The following CDK13 variants were observed in gnomAD, a reference collection of about 807,000 sequenced individuals.
CDK13 encodes cyclin dependent kinase 13.
Under a neutral mutation model 137.6 loss-of-function variants are expected in CDK13, and 40 were observed. The ratio of observed to expected loss-of-function variants is 0.29; its 90% CI spans 0.23 to 0.38. CDK13 has a LOEUF of 0.38. CDK13 is among the 10% of genes least tolerant of loss of function. The probability of loss-of-function intolerance (pLI) is 1.00; values close to 1 mark genes in which losing one functional copy is unlikely to be tolerated. For missense variants in CDK13, 1,704 were observed against 1,951.8 expected (o/e 0.87, Z 2.39); for synonymous variants, 869 against 760.1 (o/e 1.14, Z -2.36).
chr7:40,059,478 C>T (rs964514797), intron 7 of CDK13, among the ~76,000 whole-genome samples: 3 of 152,204 alleles, frequency 2.0e-5, no homozygotes, highest in African/African-American at 7.2e-5. Context: ...TCTGCCTCAG[C>T]CTCCCAATTA....
At chr7:40,091,201 C>T (rs1286616224) in intron 12 of CDK13, among the ~76,000 whole-genome samples, 6 of 151,866 alleles carry the variant, frequency 4.0e-5, no homozygotes, top group East Asian at 1.9e-4. Flanking sequence ...AAAAATTAGC[C>T]GGGCGTGGTG....
chr7:40,052,612 A>G (rs1391710536), intron 7 of CDK13, among the ~76,000 whole-genome samples: 1 of 152,216 alleles, frequency 6.6e-6, no homozygotes, highest in East Asian at 1.9e-4. Flanking sequence ...GCCTTAGAGC[A>G]TTAGCTCACT....
chr7:39,972,847 CT>C (rs1784029236), intron 1 of CDK13, among the ~76,000 whole-genome samples: 1 of 151,942 alleles, frequency 6.6e-6, no homozygotes, highest in Admixed American at 6.6e-5. Context: ...TATGATAATT[CT>C]ATGTTTAAGA....
chr7:39,979,817 G>A (rs1188648488), intron 1 of CDK13, among the ~76,000 whole-genome samples: 1 of 152,150 alleles, frequency 6.6e-6, no homozygotes, highest in Non-Finnish European at 1.5e-5. Context: ...AAGAGAGGCT[G>A]TAGGGTCTAG....
intron 5 of CDK13, among the ~76,000 whole-genome samples, chr7:40,045,420 T>C (rs1418868602): frequency 1.4e-5 from 2 of 146,890 alleles, no homozygotes; most frequent in Non-Finnish European, 2.9e-5. Flanking sequence ...AACATCTTTC[T>C]TGGCCTGTAC....
At chr7:40,084,057 G>A (rs2150540676) in intron 11 of CDK13, among the ~76,000 whole-genome samples, 1 of 152,232 alleles carries the variant, frequency 6.6e-6, no homozygotes, top group East Asian at 1.9e-4. Flanking sequence ...ATCGGAAATA[G>A]GCTGGGCACG....
At chr7:40,032,829 G>A (rs1554332286) in intron 5 of CDK13, among the ~76,000 whole-genome samples, 1 of 151,992 alleles carries the variant, frequency 6.6e-6, no homozygotes, top group Non-Finnish European at 1.5e-5. Context: ...GATAGTGTCA[G>A]CCCTCTAACT....
intron 9 of CDK13, among the ~76,000 whole-genome samples, chr7:40,068,930 C>A (rs1786348095): frequency 6.6e-6 from 1 of 151,926 alleles, no homozygotes; most frequent in Admixed American, 6.6e-5. Flanking sequence ...TGTTAAGATA[C>A]TTATAATTTT....
chr7:39,951,493 G>A lies in CDK13; in HGVS notation c.852G>A (p.Lys284=), dbSNP rs1787196841. ...RDSKAHRSRT[K]SSKEPPSAYK... Reference sequence around the variant, plus strand: ...CGAAGGCCCACCGCAGCCGGACTAAGTCGTCCAAGGAGCCGCCTTCGGCCT... The same window carrying A: ...CGAAGGCCCACCGCAGCCGGACTAAATCGTCCAAGGAGCCGCCTTCGGCCT... Residue 284 remains lysine (K), a synonymous_variant, in exon 1 of 14, where the codon AAG becomes AAA. Coordinates refer to ENST00000181839, the MANE Select transcript of CDK13 (RefSeq NM_003718.5). 6.5e-7 allele frequency: 1 copy of A among 1,537,252 alleles called. No homozygotes were observed. Among genetic ancestry groups the A allele is most frequent in the Non-Finnish European group, 8.7e-7 (1 of 1,143,118 alleles).
At chr7:40,024,541 G>C (rs946475734) in intron 5 of CDK13, among the ~76,000 whole-genome samples, 4 of 150,628 alleles carry the variant, frequency 2.7e-5, no homozygotes, top group Non-Finnish European at 4.4e-5. Context: ...TTCTGAAAGA[G>C]TTCTATTCAG....
intron 5 of CDK13, among the ~76,000 whole-genome samples, chr7:40,041,769 C>G (rs1785611375): frequency 6.9e-6 from 1 of 145,438 alleles, no homozygotes; most frequent in African/African-American, 2.9e-5. Flanking sequence ...ATAATTACAT[C>G]TCTACAACAT....
rs139144888 is a variant in CDK13 at position 40,094,900 on chromosome 7, G to A, written c.4459G>A (p.Gly1487Arg). ...ACAGACCTGGACTTCTCCTGCCCAA[G>A]GACCTGGATATTCACAAGGATACAG... ...HGQTWTSPAQ[G>R]PGYSQGYRGH... The change falls in exon 14 of 14, where the codon GGA (glycine) becomes AGA (arginine). Residue 1487 changes from glycine (G) to arginine (R), a missense_variant. By Grantham distance (125) the Gly-to-Arg change is moderately radical (BLOSUM62 -2). Around this residue, in one of 5 missense-constraint regions of CDK13, gnomAD observed 475 missense variants for 579.3 expected, o/e 0.82. Coordinates refer to ENST00000181839, the MANE Select transcript of CDK13 (RefSeq NM_003718.5). The A allele has an allele frequency of 2.0e-6, 3 of 1,507,304 alleles. No homozygotes were observed. The highest frequency in any genetic ancestry group is 2.7e-6 in the Non-Finnish European group (3 of 1,129,294). The allele number at this position is 1,507,304 out of a possible 1,614,324, so 93.4% of individuals were successfully genotyped here.
chr7:40,018,059 C>A (rs995039394), intron 5 of CDK13, among the ~76,000 whole-genome samples: 1 of 151,308 alleles, frequency 6.6e-6, no homozygotes, highest in African/African-American at 2.4e-5. Flanking sequence ...GGATAAAGAT[C>A]GCCTTCTCTT....
intron 9 of CDK13, among the ~76,000 whole-genome samples, chr7:40,063,746 C>T (rs1786208673): frequency 6.6e-6 from 1 of 151,980 alleles, no homozygotes. Context: ...CAACTTCTGC[C>T]TCCTGGGTTC....
At chr7:40,076,444 G>T (rs1304982973) in intron 9 of CDK13, among the ~76,000 whole-genome samples, 1 of 152,134 alleles carries the variant, frequency 6.6e-6, no homozygotes. Context: ...AGACATGAAG[G>T]AGTGGCCTGT....
At chr7:40,068,733 G>GAAAAAAAAAAAAAAAAAAAAAAAAA (rs1786342180) in intron 9 of CDK13, among the ~76,000 whole-genome samples, 1 of 133,814 alleles carries the variant, frequency 7.5e-6, no homozygotes, top group African/African-American at 3.0e-5. Flanking sequence ...AAAAAAAAAG[G>GAAAAAAAAAAAAAAAAAAAAAAAAA]AAACAGTTGA....
chr7:39,960,659 A>G (rs924358222), intron 1 of CDK13, among the ~76,000 whole-genome samples: 42 of 151,980 alleles, frequency 2.8e-4, no homozygotes, highest in Admixed American at 2.2e-3. Context: ...GTAACAACCT[A>G]CGCCTCCTGG....
At chr7:39,985,482 A>G (rs1324240728) in intron 1 of CDK13, 2 of 152,196 alleles carry the variant, frequency 1.3e-5, no homozygotes, top group African/African-American at 2.4e-5. Flanking sequence ...TCTTTGGGGT[A>G]TGTACCTAGG....
At position 39,996,971 on chromosome 7, in the gene CDK13, AAAAAAG is replaced by A. The variant is rs1385612745; in HGVS notation, c.1872-517_1872-512del. On this transcript the variant is annotated intron_variant, in intron 2 of 13. Coordinates refer to ENST00000181839, the MANE Select transcript of CDK13 (RefSeq NM_003718.5). ...AGTGAGATTCCATCTCAAAAAAAAAAAAAAAGAAAAAAAAAAAGAAAAATGCTTTGC... is the reference window on the plus strand; with the variant it reads ...AGTGAGATTCCATCTCAAAAAAAAAAAAAAAAAAAAAGAAAAATGCTTTGC... Among the ~76,000 whole-genome samples the A allele has an allele frequency of 3.5e-3, 510 of 146,584 alleles. 11 individuals are homozygous for A. Among genetic ancestry groups the A allele is most frequent in the African/African-American group, 0.012 (461 of 38,892 alleles).
Sources: gnomAD v4.1 joint callset for allele counts (sites outside exome capture counted in the v4.1 genomes callset) on GRCh38, gnomAD v4.1.1 for gene constraint, gnomAD v4.1.1 regional missense constraint, MANE v1.5 for transcripts, NCBI Gene and HGNC (gene_info 2026-07-23, HGNC 2026-07-21) for gene names.